Variants in NEBL observed in about 807,000 individuals in gnomAD.
NEBL encodes the protein LIM and SH3 protein 2.
NEBL carries 122 observed loss-of-function variants against 140.2 expected under a neutral mutation model. That is an observed-to-expected ratio of 0.87 (90% CI 0.75 to 1.01). The LOEUF (loss-of-function observed/expected upper bound fraction) is 1.01, where lower values mean the gene tolerates loss of function less well. Ranked by LOEUF, NEBL falls within the 50% of genes least tolerant of loss-of-function variation. The pLI is 0.00. For synonymous variants in NEBL, 436 were observed against 398.9 expected (o/e 1.09, Z -1.11); for missense variants, 1,365 against 1,231.3 (o/e 1.11, Z -1.62).
At chr10:21,218,069 C>T (rs1416788499) in intron 3 of NEBL, 1 of 152,670 alleles carries the variant, frequency 6.6e-6, no homozygotes, top group Non-Finnish European at 1.5e-5. Context: ...TCTTTGGCCT[C>T]ATGGATACTT....
intron 2 of NEBL, among the ~76,000 whole-genome samples, chr10:20,896,115 C>T (rs1847448579): frequency 1.3e-5 from 2 of 152,022 alleles, no homozygotes; most frequent in African/African-American, 4.8e-5. Context: ...ACAACAGAAA[C>T]AACCAGTATT....
intron 4 of NEBL, among the ~76,000 whole-genome samples, chr10:20,920,247 C>T (rs1231293678): frequency 1.3e-5 from 2 of 152,152 alleles, no homozygotes; most frequent in African/African-American, 4.8e-5. Flanking sequence ...CAATATCTAG[C>T]AAAATGACAT....
intron 3 of NEBL, among the ~76,000 whole-genome samples, chr10:21,216,109 G>A (rs893276790): frequency 5.9e-5 from 9 of 152,094 alleles, no homozygotes; most frequent in East Asian, 1.9e-4. Context: ...AAGTTGCCAC[G>A]GTATGCAGTA....
intron 2 of NEBL, among the ~76,000 whole-genome samples, chr10:21,086,555 A>T (rs1836640651): frequency 6.6e-6 from 1 of 152,180 alleles, no homozygotes; most frequent in African/African-American, 2.4e-5. Context: ...AGGCAGGAGG[A>T]TCACTTGAGC....
At chr10:21,097,550 T>C (rs1285891154) in intron 2 of NEBL, among the ~76,000 whole-genome samples, 1 of 152,220 alleles carries the variant, frequency 6.6e-6, no homozygotes, top group African/African-American at 2.4e-5. Context: ...CAGCATGGCT[T>C]AAATGAGTCA....
At position 20,985,727 on chromosome 10, in the gene NEBL, G is replaced by A. The variant is rs538832110; in HGVS notation, c.250-23948C>T. On this transcript the variant is annotated intron_variant, in intron 3 of 6. Transcript: ENST00000417816. ...CAATCTACTAGTATGCAGCTATACT[G>A]AACATACAATATTCAGGATGGAGAG... Among the ~76,000 whole-genome samples, 41 of 151,992 alleles carry A rather than the reference G, an allele frequency of 2.7e-4. No homozygotes were observed. In the Middle Eastern group the frequency reaches 0.01, roughly 38 times the overall value.
chr10:21,052,090 T>A (rs1269605721), intron 2 of NEBL, among the ~76,000 whole-genome samples: 3 of 149,308 alleles, frequency 2.0e-5, no homozygotes, highest in Admixed American at 6.7e-5. Flanking sequence ...ATAAAAAGTT[T>A]AAAAAAAAAA....
intron 4 of NEBL, among the ~76,000 whole-genome samples, chr10:20,924,944 C>T (rs935152503): frequency 5.3e-5 from 8 of 151,884 alleles, no homozygotes; most frequent in Non-Finnish European, 1.2e-4. Flanking sequence ...TCCCTGTCTC[C>T]TCTCCCCCAT....
intron 3 of NEBL, among the ~76,000 whole-genome samples, chr10:21,182,582 A>G (rs1486017386): frequency 6.6e-6 from 1 of 152,224 alleles, no homozygotes; most frequent in East Asian, 1.9e-4. Flanking sequence ...AATAAAAAGA[A>G]GAAAGCCATG....
At chr10:21,217,197 G>A (rs1415654606) in intron 3 of NEBL, among the ~76,000 whole-genome samples, 1 of 152,158 alleles carries the variant, frequency 6.6e-6, no homozygotes, top group Non-Finnish European at 1.5e-5. Flanking sequence ...TAAAACAGAT[G>A]AGAGGGTAGT....
intron 3 of NEBL, among the ~76,000 whole-genome samples, chr10:20,965,549 G>A (rs1405796602): frequency 2.0e-5 from 3 of 152,348 alleles, no homozygotes; most frequent in South Asian, 2.1e-4. Context: ...TGGGAGGGAA[G>A]AGGAAGAGGA....
chr10:20,906,151 T>C (rs1479128494), intron 4 of NEBL, among the ~76,000 whole-genome samples: 1 of 152,204 alleles, frequency 6.6e-6, no homozygotes, highest in Admixed American at 6.5e-5. Context: ...GACCCTGAAA[T>C]AAAATTTATG....
chr10:20,966,101 C>T (rs544998162), intron 3 of NEBL, among the ~76,000 whole-genome samples: 1 of 152,288 alleles, frequency 6.6e-6, no homozygotes, highest in African/African-American at 2.4e-5. Context: ...ACTTGCTTTG[C>T]CATATTTGCC....
chr10:21,040,250 C>T (rs1027379941), intron 2 of NEBL, among the ~76,000 whole-genome samples: 2 of 152,120 alleles, frequency 1.3e-5, no homozygotes, highest in Non-Finnish European at 2.9e-5. Flanking sequence ...CCTGTAATCC[C>T]AGCTACTTGG....
At chr10:21,234,207 C>T (rs1479795490) in intron 3 of NEBL, among the ~76,000 whole-genome samples, 1 of 151,898 alleles carries the variant, frequency 6.6e-6, no homozygotes, top group Non-Finnish European at 1.5e-5. Context: ...AGACGCTGGA[C>T]CTGATGTAGT....
At chr10:21,152,950 C>A (rs188285335) in intron 2 of NEBL, among the ~76,000 whole-genome samples, 1 of 152,206 alleles carries the variant, frequency 6.6e-6, no homozygotes, top group Non-Finnish European at 1.5e-5. Context: ...TACTTAGAAC[C>A]AAAGTCTTGG....
intron 4 of NEBL, among the ~76,000 whole-genome samples, chr10:20,949,020 A>T (rs1373217377): frequency 6.6e-6 from 1 of 152,224 alleles, no homozygotes; most frequent in Non-Finnish European, 1.5e-5. Context: ...CAGCTATTTC[A>T]GATGCATGTA....
At chr10:20,935,687 T>G (rs1294449134) in intron 4 of NEBL, among the ~76,000 whole-genome samples, 3 of 152,252 alleles carry the variant, frequency 2.0e-5, no homozygotes, top group African/African-American at 7.2e-5. Flanking sequence ...CCATCCCATC[T>G]TAAATAATCT....
intron 3 of NEBL, among the ~76,000 whole-genome samples, chr10:21,196,052 G>A (rs1373051270): frequency 1.3e-5 from 2 of 152,074 alleles, no homozygotes; most frequent in Non-Finnish European, 2.9e-5. Flanking sequence ...TGCCCAGGCT[G>A]GAGTGCAGTG....
Sources: gnomAD v4.1 joint callset for allele counts (sites outside exome capture counted in the v4.1 genomes callset) on GRCh38, gnomAD v4.1.1 for gene constraint, MANE v1.5 for transcripts, NCBI Gene and HGNC (gene_info 2026-07-23, HGNC 2026-07-21) for gene names.